Variants in ZNF618 observed in about 807,000 individuals in gnomAD.
The protein encoded by ZNF618 is neural precursor cell expressed, developmentally down-regulated 10.
A neutral mutation model predicts 103.0 loss-of-function variants in ZNF618; 34 were observed. The ratio of observed to expected loss-of-function variants is 0.33; its 90% CI spans 0.25 to 0.44. The LOEUF (loss-of-function observed/expected upper bound fraction) is 0.44. ZNF618 is among the 20% of genes least tolerant of loss of function. The probability of loss-of-function intolerance (pLI) is 1.00; values close to 1 mark genes in which losing one functional copy is unlikely to be tolerated. For missense variants in ZNF618, 1,059 were observed against 1,295.4 expected (o/e 0.82, Z 2.80); for synonymous variants, 551 against 542.2 (o/e 1.02, Z -0.23).
chr9:113,997,414 C>T (rs1840725400), intron 3 of ZNF618, among the ~76,000 whole-genome samples: 1 of 152,220 alleles, frequency 6.6e-6, no homozygotes. Flanking sequence ...ACCATTTCTT[C>T]CTGGTGCTTT....
intron 13 of ZNF618, among the ~76,000 whole-genome samples, chr9:114,041,889 G>A (rs1033413537): frequency 6.6e-6 from 1 of 152,176 alleles, no homozygotes; most frequent in East Asian, 1.9e-4. Flanking sequence ...GCTTGATGGG[G>A]ATGGCATTGA....
chr9:114,011,642 C>T (rs867116486), intron 9 of ZNF618, among the ~76,000 whole-genome samples: 9 of 152,210 alleles, frequency 5.9e-5, no homozygotes, highest in South Asian at 2.1e-4. Context: ...TAGAGGCACA[C>T]GTGTTCTGAA....
In ZNF618 at chr9:114,002,628, C is replaced by A; in HGVS notation, c.516C>A (p.Thr172=). 3.7e-6 allele frequency: 6 copies of A among 1,610,532 alleles called. No individual in the cohort carries two copies. Among genetic ancestry groups the A allele is most frequent in the Non-Finnish European group, 4.2e-6 (5 of 1,179,592 alleles). Reference sequence around the variant, plus strand: ...CCTCTCTCTCTCTCTTTGCAGACACCGAAGCCACCTCAGGGGAGGGAGCCT... The same window carrying A: ...CCTCTCTCTCTCTCTTTGCAGACACAGAAGCCACCTCAGGGGAGGGAGCCT... ...FQTHVRAHRD[T]EATSGEGASQ... is the part of the protein sequence containing the mutation. The change falls in exon 6 of 15, where the codon ACC becomes ACA. Residue 172 remains threonine (T), a synonymous_variant. Coordinates refer to ENST00000374126, the MANE Select transcript of ZNF618 (RefSeq NM_001318042.2).
intron 3 of ZNF618, among the ~76,000 whole-genome samples, chr9:113,996,481 A>G (rs1456490842): frequency 6.6e-6 from 1 of 152,140 alleles, no homozygotes; most frequent in African/African-American, 2.4e-5. Flanking sequence ...AGAAGCCTGC[A>G]TCCTCTCCTA....
At chr9:113,930,438 G>A (rs1397381493) in intron 1 of ZNF618, among the ~76,000 whole-genome samples, 1 of 152,062 alleles carries the variant, frequency 6.6e-6, no homozygotes, top group African/African-American at 2.4e-5. Flanking sequence ...AACTTCATAG[G>A]TTTAGGGGGC....
rs146851724 is a variant in ZNF618, at chr9:113,898,366, G to A, written c.33+21953G>A. Among the ~76,000 whole-genome samples, 387 of 150,886 alleles carry A rather than the reference G, an allele frequency of 2.6e-3. 5 individuals carry two copies. The highest frequency in any genetic ancestry group is 8.7e-3 in the African/African-American group (356 of 41,032). ...ATTCATTCAAAATAAGGGAAGTCTC[G>A]TGTTTGGCATGTTTGGCTTGGCCTG... is the stretch of plus-strand genomic sequence containing the variant. On this transcript the variant is annotated intron_variant, in intron 1 of 14. Coordinates refer to ENST00000374126, the MANE Select transcript of ZNF618 (RefSeq NM_001318042.2).
intron 3 of ZNF618, among the ~76,000 whole-genome samples, chr9:113,996,782 C>G (rs113767130): frequency 5.3e-5 from 8 of 152,160 alleles, no homozygotes; most frequent in African/African-American, 1.9e-4. Flanking sequence ...TGTGGCAGCA[C>G]CAGACATAGT....
chr9:113,972,106 G>A (rs987147861), intron 2 of ZNF618, among the ~76,000 whole-genome samples: 8 of 152,128 alleles, frequency 5.3e-5, no homozygotes, highest in Non-Finnish European at 1.5e-5. Context: ...GGAGTGCAGT[G>A]GTGCAATCTC....
At position 114,049,621 on chromosome 9, in the gene ZNF618, C is replaced by T; in HGVS notation, c.2319C>T (p.Ala773=). Residue 773 remains alanine, a synonymous_variant, in exon 15 of 15, where the codon GCC becomes GCT. Transcript: ENST00000374126. The part of the protein sequence containing the change: ...TYVRLEKLFT[A]KANDAGTVSK... ...TCAGGCTGGAGAAGCTGTTCACGGC[C>T]AAGGCCAACGACGCAGGCACTGTCA... 6.2e-7 allele frequency: 1 copy of T among 1,613,862 alleles called. No individual in the cohort carries two copies. Among genetic ancestry groups the T allele is most frequent in the Non-Finnish European group, 8.5e-7 (1 of 1,179,910 alleles).
intron 13 of ZNF618, among the ~76,000 whole-genome samples, chr9:114,041,458 T>C (rs1351808453): frequency 6.6e-6 from 1 of 152,254 alleles, no homozygotes; most frequent in African/African-American, 2.4e-5. Flanking sequence ...TTTTATAGTT[T>C]TAGGTCTAAC....
intron 10 of ZNF618, among the ~76,000 whole-genome samples, chr9:114,027,429 G>A (rs1028984530): frequency 5.9e-5 from 9 of 152,240 alleles, no homozygotes; most frequent in Middle Eastern, 3.2e-3. Context: ...CACTGTAGGC[G>A]AGGAGTGGGT....
chr9:114,030,439 C>T (rs1843911105), intron 11 of ZNF618, among the ~76,000 whole-genome samples: 1 of 152,222 alleles, frequency 6.6e-6, no homozygotes, highest in Admixed American at 6.5e-5. Context: ...TTCTCTCTTG[C>T]ACTTTGTGGC....
At chr9:114,039,345 T>G (rs867807197) in intron 13 of ZNF618, among the ~76,000 whole-genome samples, 3 of 120,114 alleles carry the variant, frequency 2.5e-5, no homozygotes, top group South Asian at 2.6e-4. Flanking sequence ...TGTTTGTTTT[T>G]TTTTTTTTTT....
Position 113,883,992 on chromosome 9 carries a change from C to T in ZNF618, c.33+7579C>T, listed in dbSNP as rs954323657. Among the ~76,000 whole-genome samples, 8 of 46,556 alleles carry T rather than the reference C, an allele frequency of 1.7e-4. 2 individuals carry two copies. Among genetic ancestry groups the T allele is most frequent in the Non-Finnish European group, 7.9e-4 (8 of 10,070 alleles). 30.5% of individuals were successfully genotyped at this position (46,556 alleles called of 152,430 possible). On this transcript the variant is annotated intron_variant, in intron 1 of 14. Transcript: ENST00000374126. ...TTTTCTCTGGGCTTGGCCCCCCCCCCCCCCCCCCCCGCCCTGTACAGTGAA... is the reference window on the plus strand; with the variant it reads ...TTTTCTCTGGGCTTGGCCCCCCCCCTCCCCCCCCCCGCCCTGTACAGTGAA...
intron 1 of ZNF618, among the ~76,000 whole-genome samples, chr9:113,961,612 T>A (rs1049217304): frequency 1.3e-5 from 2 of 152,236 alleles, no homozygotes; most frequent in Non-Finnish European, 2.9e-5. Context: ...AGTTACCGTG[T>A]TCAGTTGGGA....
chr9:113,965,487 A>T (rs1837311557), intron 1 of ZNF618, among the ~76,000 whole-genome samples: 1 of 151,930 alleles, frequency 6.6e-6, no homozygotes, highest in Admixed American at 6.6e-5. Flanking sequence ...GGGGACAGGC[A>T]CCCTTATTCG....
At chr9:113,997,056 C>A (rs1840680212) in intron 3 of ZNF618, among the ~76,000 whole-genome samples, 1 of 83,176 alleles carries the variant, frequency 1.2e-5, no homozygotes, top group African/African-American at 3.4e-5. Flanking sequence ...CTCTCTCTCT[C>A]TTTCTTTTTT....
At chr9:114,032,525 C>A (rs1025069911) in intron 11 of ZNF618, 120 bp from the exon 12 acceptor site, 6 of 850,902 alleles carry the variant, frequency 7.1e-6, no homozygotes, top group Non-Finnish European at 2.0e-6. Flanking sequence ...GGTCCTGGAG[C>A]CCTCACGAGA....
chr9:113,950,713 C>T (rs549391805), intron 1 of ZNF618, among the ~76,000 whole-genome samples: 16 of 152,206 alleles, frequency 1.1e-4, no homozygotes, highest in South Asian at 2.1e-4. Flanking sequence ...ATGGTGGGAC[C>T]GCTGGGAAGA....
Sources: allele counts gnomAD v4.1 joint callset (sites outside exome capture counted in the v4.1 genomes callset), GRCh38; gene constraint gnomAD v4.1.1; transcripts MANE v1.5; gene names NCBI Gene and HGNC (gene_info 2026-07-23, HGNC 2026-07-21).